SLC26A7: variants seen among roughly 807,000 people sequenced by gnomAD.
The protein encoded by SLC26A7 is anion exchange transporter.
In SLC26A7, 59 loss-of-function variants were observed where a neutral mutation model predicts 82.5. The observed-to-expected ratio is 0.72, with a 90% CI of 0.58 to 0.89. The LOEUF (loss-of-function observed/expected upper bound fraction) is 0.89, where lower values mean the gene tolerates loss of function less well. SLC26A7 is among the 40% of genes least tolerant of loss of function. The probability of loss-of-function intolerance (pLI) is 0.00; values close to 1 mark genes in which losing one functional copy is unlikely to be tolerated. For synonymous variants in SLC26A7, 271 were observed against 274.3 expected (o/e 0.99, Z 0.12); for missense variants, 820 against 793.0 (o/e 1.03, Z -0.41).
rs143182396 is a variant in SLC26A7 at position 91,212,332 on chromosome 8, G to A, written c.-150+2790G>A. 1.2e-3 allele frequency among the ~76,000 whole-genome samples: 177 copies of A among 152,116 alleles called. 1 individual carries two copies. The highest frequency in any genetic ancestry group is 4.2e-3 in the African/African-American group (174 of 41,520). ...TTCATTTCTTATAGTTTCGTTAGTT[G>A]AACTTAACATTTCCCCAGATTCCTT... On this transcript the variant is annotated intron_variant, in intron 1 of 5. Transcript: ENST00000522862.
intron 2 of SLC26A7, among the ~76,000 whole-genome samples, chr8:91,271,969 C>G (rs1811284546): frequency 6.6e-6 from 1 of 152,106 alleles, no homozygotes; most frequent in South Asian, 2.1e-4. Context: ...TTACCTTTAC[C>G]TAGTTATGGG....
chr8:91,388,016 T>C (rs947156722), intron 15 of SLC26A7, among the ~76,000 whole-genome samples: 4 of 152,360 alleles, frequency 2.6e-5, no homozygotes, highest in Admixed American at 2.6e-4. Context: ...GACTACCACT[T>C]TTCAAATACA....
intron 15 of SLC26A7, 100 bp downstream of exon 15, chr8:91,369,933 C>T: frequency 1.1e-6 from 1 of 870,354 alleles, no homozygotes; most frequent in Middle Eastern, 2.2e-4. Flanking sequence ...CTGCCTCCCT[C>T]TTCTGTTCTT....
chr8:91,372,587 T>G (rs1051651274), intron 15 of SLC26A7, among the ~76,000 whole-genome samples: 1 of 152,050 alleles, frequency 6.6e-6, no homozygotes, highest in Non-Finnish European at 1.5e-5. Flanking sequence ...TCCATTGATC[T>G]ATGTATCTGT....
At chr8:91,363,003 T>C (rs1586455563) in intron 12 of SLC26A7, among the ~76,000 whole-genome samples, 1 of 152,086 alleles carries the variant, frequency 6.6e-6, no homozygotes, top group East Asian at 1.9e-4. Flanking sequence ...AATGTTTCTA[T>C]TTACTTCACA....
chr8:91,335,215 C>T (rs1251271536), intron 6 of SLC26A7, among the ~76,000 whole-genome samples: 1 of 152,054 alleles, frequency 6.6e-6, no homozygotes, highest in Non-Finnish European at 1.5e-5. Flanking sequence ...ATAAAATATT[C>T]CTTCTAATTG....
chr8:91,376,937 C>T (rs1189553259), intron 15 of SLC26A7, among the ~76,000 whole-genome samples: 2 of 152,224 alleles, frequency 1.3e-5, no homozygotes, highest in South Asian at 2.1e-4. Flanking sequence ...TCCTTTGGCT[C>T]ATGGCTGCAA....
In SLC26A7 at chr8:91,338,178, G is replaced by A. The variant is rs558386821; in HGVS notation, c.824G>A (p.Cys275Tyr). The part of the protein sequence containing the change: ...LIIAASFACY[C>Y]TNMENTYGLE... ...ATTGCTGCATCATTTGCTTGTTATTGCACCAATATGGAAAACACATATGGA... is the reference window on the plus strand; with the variant it reads ...ATTGCTGCATCATTTGCTTGTTATTACACCAATATGGAAAACACATATGGA... The change falls in exon 7 of 19, where the codon TGC becomes TAC. Residue 275 changes from cysteine to tyrosine, a missense_variant. Cys to Tyr is a radical substitution (Grantham distance 194). Transcript: ENST00000276609. 17 of 1,610,436 alleles carry A rather than the reference G, an allele frequency of 1.1e-5. No homozygotes were observed. The highest frequency in any genetic ancestry group is 1.4e-5 in the Non-Finnish European group (17 of 1,178,618).
chr8:91,234,321 T>G (rs1468383753), intron 2 of SLC26A7, among the ~76,000 whole-genome samples: 2 of 152,232 alleles, frequency 1.3e-5, no homozygotes, highest in African/African-American at 4.8e-5. Context: ...CTGTTATTTT[T>G]CAGGGTGTCC....
chr8:91,260,522 A>G (rs1291817486), intron 2 of SLC26A7, among the ~76,000 whole-genome samples: 1 of 152,114 alleles, frequency 6.6e-6, no homozygotes, highest in Non-Finnish European at 1.5e-5. Context: ...TTTAGCACTG[A>G]AAGTCCTGAG....
At chr8:91,324,222 A>G (rs1438059500) in intron 5 of SLC26A7, among the ~76,000 whole-genome samples, 1 of 152,214 alleles carries the variant, frequency 6.6e-6, no homozygotes, top group Non-Finnish European at 1.5e-5. Flanking sequence ...AAAATGTTTA[A>G]TGATGTATAA....
chr8:91,378,541 C>T (rs1814583411), intron 15 of SLC26A7, among the ~76,000 whole-genome samples: 1 of 150,488 alleles, frequency 6.6e-6, no homozygotes, highest in Non-Finnish European at 1.5e-5. Context: ...GATTCAGAAG[C>T]ATCTTGCTAA....
chr8:91,333,925 G>T (rs999627453), intron 5 of SLC26A7, among the ~76,000 whole-genome samples: 1 of 152,088 alleles, frequency 6.6e-6, no homozygotes, highest in Non-Finnish European at 1.5e-5. Flanking sequence ...TTTGAGGAGG[G>T]CCCCAAAGTT....
At chr8:91,217,757 C>T (rs1397941361) in intron 1 of SLC26A7, among the ~76,000 whole-genome samples, 5 of 152,186 alleles carry the variant, frequency 3.3e-5, no homozygotes, top group African/African-American at 9.6e-5. Flanking sequence ...AAAACCAAGA[C>T]GTCCACTGAG....
At chr8:91,215,354 T>C (rs552202972) in intron 1 of SLC26A7, among the ~76,000 whole-genome samples, 15 of 152,180 alleles carry the variant, frequency 9.9e-5, no homozygotes, top group Non-Finnish European at 1.9e-4. Flanking sequence ...GCCATATAAA[T>C]ATATATTGCA....
intron 2 of SLC26A7, among the ~76,000 whole-genome samples, chr8:91,262,897 A>C (rs983953460): frequency 6.6e-6 from 1 of 152,090 alleles, no homozygotes; most frequent in Admixed American, 6.6e-5. Flanking sequence ...TAAAATCAAT[A>C]TTTCAGCATT....
intron 2 of SLC26A7, among the ~76,000 whole-genome samples, chr8:91,281,537 T>C (rs1811573269): frequency 6.6e-6 from 1 of 152,192 alleles, no homozygotes; most frequent in East Asian, 1.9e-4. Flanking sequence ...CTAGAACCAA[T>C]TGCCAGCAAA....
At chr8:91,244,237 A>G (rs1437648321) in intron 2 of SLC26A7, among the ~76,000 whole-genome samples, 1 of 152,166 alleles carries the variant, frequency 6.6e-6, no homozygotes, top group Non-Finnish European at 1.5e-5. Context: ...TTAGTCAGAA[A>G]TGAGACAAGG....
intron 5 of SLC26A7, among the ~76,000 whole-genome samples, chr8:91,324,510 C>T (rs1812882684): frequency 6.6e-6 from 1 of 152,136 alleles, no homozygotes; most frequent in Non-Finnish European, 1.5e-5. Flanking sequence ...GGGGATTTTA[C>T]AAGCTACACA....
Sources: gnomAD v4.1 joint callset for allele counts (sites outside exome capture counted in the v4.1 genomes callset) on GRCh38, gnomAD v4.1.1 for gene constraint, MANE v1.5 for transcripts, NCBI Gene and HGNC (gene_info 2026-07-23, HGNC 2026-07-21) for gene names.